The following TBC1D5 variants were observed in gnomAD, a reference collection of about 807,000 sequenced individuals.
The protein encoded by TBC1D5 is TBC1 domain family member 5.
A neutral mutation model predicts 100.3 loss-of-function variants in TBC1D5; 75 were observed. The observed-to-expected ratio is 0.75, with a 90% CI of 0.62 to 0.91. TBC1D5 has a LOEUF of 0.91. Among genes scored for constraint, TBC1D5 ranks in the 40% least tolerant of loss-of-function variants. TBC1D5 has a pLI of 0.00. For missense variants in TBC1D5, 910 were observed against 942.4 expected, an observed-to-expected ratio of 0.97 and a Z score of 0.45; for synonymous variants, 323 against 325.6, an observed-to-expected ratio of 0.99 and a Z score of 0.09.
At chr3:17,282,505 A>T (rs1384140004) in intron 15 of TBC1D5, among the ~76,000 whole-genome samples, 2 of 152,200 alleles carry the variant, frequency 1.3e-5, no homozygotes, top group African/African-American at 4.8e-5. Flanking sequence ...TAACCCATGG[A>T]TTTTAGTCTC....
At chr3:17,310,099 A>G (rs190360259) in intron 13 of TBC1D5, among the ~76,000 whole-genome samples, 1 of 152,200 alleles carries the variant, frequency 6.6e-6, no homozygotes, top group Admixed American at 6.5e-5. Context: ...CAAAAAAACC[A>G]AAGTAGCCCA....
chr3:17,477,044 T>C (rs57161733), intron 3 of TBC1D5, among the ~76,000 whole-genome samples: 10,461 of 152,030 alleles, frequency 0.069, 708 homozygotes, highest in African/African-American at 0.18. Context: ...GTAATTCTTT[T>C]ATAAATGTCC....
At chr3:17,437,615 A>T (rs1175440736) in intron 3 of TBC1D5, among the ~76,000 whole-genome samples, 4 of 108,372 alleles carry the variant, frequency 3.7e-5, no homozygotes, top group Non-Finnish European at 8.0e-5. Context: ...AGAGACAGAG[A>T]CAGAGGTAGA....
chr3:17,175,956 C>A (rs2067675329), intron 19 of TBC1D5, among the ~76,000 whole-genome samples: 1 of 152,180 alleles, frequency 6.6e-6, no homozygotes, highest in African/African-American at 2.4e-5. Context: ...CCTTGAGCTA[C>A]CTGTAGTAAG....
At chr3:17,462,468 A>G (rs1034405695) in intron 3 of TBC1D5, among the ~76,000 whole-genome samples, 7 of 151,908 alleles carry the variant, frequency 4.6e-5, no homozygotes, top group African/African-American at 9.7e-5. Flanking sequence ...GGACAGGTGC[A>G]GGTCACCACA....
chr3:17,448,898 C>T (rs374530694), intron 3 of TBC1D5, among the ~76,000 whole-genome samples: 17 of 152,352 alleles, frequency 1.1e-4, no homozygotes, highest in African/African-American at 4.1e-4. Context: ...CTTTGAAGCT[C>T]TCAAGCCAGG....
intron 14 of TBC1D5, among the ~76,000 whole-genome samples, chr3:17,299,605 T>C (rs1575197095): frequency 6.6e-6 from 1 of 152,074 alleles, no homozygotes; most frequent in South Asian, 2.1e-4. Flanking sequence ...ACGCCTGTAA[T>C]CCCAGCACTT....
intron 3 of TBC1D5, among the ~76,000 whole-genome samples, chr3:17,506,130 T>C (rs1423852281): frequency 6.6e-6 from 1 of 152,128 alleles, no homozygotes; most frequent in Non-Finnish European, 1.5e-5. Context: ...TGTAAAAAGC[T>C]TCAAAATACT....
chr3:17,594,236 A>C (rs2060420408), intron 2 of TBC1D5, among the ~76,000 whole-genome samples: 1 of 152,130 alleles, frequency 6.6e-6, no homozygotes, highest in Non-Finnish European at 1.5e-5. Context: ...TCAGTGTACT[A>C]CTCCACAACA....
chr3:17,636,652 T>A (rs1442024426), intron 1 of TBC1D5, among the ~76,000 whole-genome samples: 3 of 150,964 alleles, frequency 2.0e-5, no homozygotes, highest in Admixed American at 2.0e-4. Context: ...AAAAAAAAAA[T>A]TAGCCAGGCG....
intron 13 of TBC1D5, among the ~76,000 whole-genome samples, chr3:17,344,471 T>C (rs201959300): frequency 0.5 from 74,053 of 149,466 alleles, 19,765 homozygotes; most frequent in African/African-American, 0.67. Flanking sequence ...GAATCAATAT[T>C]GTGAAAATGG....
At chr3:17,447,071 A>G (rs369617212) in intron 3 of TBC1D5, among the ~76,000 whole-genome samples, 8 of 152,198 alleles carry the variant, frequency 5.3e-5, no homozygotes, top group Admixed American at 4.6e-4. Context: ...GGAGGAAGTC[A>G]AGAATTTAGG....
At chr3:17,407,485 T>TA (rs1350118064) in intron 4 of TBC1D5, among the ~76,000 whole-genome samples, 1 of 152,130 alleles carries the variant, frequency 6.6e-6, no homozygotes, top group Admixed American at 6.6e-5. Flanking sequence ...GGCAATATCT[T>TA]AAGAGAGATT....
intron 4 of TBC1D5, among the ~76,000 whole-genome samples, chr3:17,419,698 C>T (rs907778328): frequency 3.3e-5 from 5 of 152,058 alleles, no homozygotes; most frequent in African/African-American, 1.2e-4. Context: ...TGTCTTGAGA[C>T]AGGGTCTTGC....
intron 2 of TBC1D5, among the ~76,000 whole-genome samples, chr3:17,531,636 G>C (rs2096227338): frequency 6.6e-6 from 1 of 152,078 alleles, no homozygotes; most frequent in Non-Finnish European, 1.5e-5. Context: ...CCAAAACAGA[G>C]ATACAGACCA....
intron 1 of TBC1D5, among the ~76,000 whole-genome samples, chr3:17,627,462 T>C (rs1218123992): frequency 6.6e-6 from 1 of 152,092 alleles, no homozygotes; most frequent in African/African-American, 2.4e-5. Context: ...ACAAAATCTA[T>C]AAATACACCT....
chr3:17,176,200 G>C (rs956271886), intron 19 of TBC1D5, among the ~76,000 whole-genome samples: 4 of 152,164 alleles, frequency 2.6e-5, no homozygotes, highest in African/African-American at 9.7e-5. Context: ...CTGTACACTA[G>C]GGATACTCTC....
At chr3:17,205,853 C>A (rs1005005487) in intron 18 of TBC1D5, among the ~76,000 whole-genome samples, 4 of 152,284 alleles carry the variant, frequency 2.6e-5, no homozygotes, top group African/African-American at 7.2e-5. Context: ...AAAGCTACCA[C>A]ACTAAGGATG....
At chr3:17,471,328 A>G (rs2095369864) in intron 3 of TBC1D5, among the ~76,000 whole-genome samples, 1 of 152,216 alleles carries the variant, frequency 6.6e-6, no homozygotes, top group Non-Finnish European at 1.5e-5. Flanking sequence ...ATTAAAATCT[A>G]AGAAGGTAAT....
Sources: gnomAD v4.1 joint callset for allele counts (sites outside exome capture counted in the v4.1 genomes callset) on GRCh38, gnomAD v4.1.1 for gene constraint, MANE v1.5 for transcripts, NCBI Gene and HGNC (gene_info 2026-07-23, HGNC 2026-07-21) for gene names.